Variants in SMAD6 observed in about 807,000 individuals in gnomAD.
SMAD6 encodes the protein SMAD family member 6.
In SMAD6, 103 loss-of-function variants were observed where a neutral mutation model predicts 39.4. The ratio of observed to expected loss-of-function variants is 2.62; its 90% CI spans 2.23 to 3.08. SMAD6 has a LOEUF of 3.08. SMAD6 is among the 30% of genes most tolerant of loss of function. The pLI, the probability that SMAD6 is intolerant of heterozygous loss-of-function variation, is 0.00. For missense variants in SMAD6, 1,104 were observed against 742.9 expected, an observed-to-expected ratio of 1.49 and a Z score of -5.65; for synonymous variants, 445 against 353.3, an observed-to-expected ratio of 1.26 and a Z score of -2.91.
intron 3 of SMAD6, among the ~76,000 whole-genome samples, chr15:66,731,824 G>T (rs1189197197): frequency 6.6e-6 from 1 of 152,106 alleles, no homozygotes; most frequent in African/African-American, 2.4e-5. Context: ...GTACCATTTT[G>T]CAATCCCAAC....
intron 3 of SMAD6, among the ~76,000 whole-genome samples, chr15:66,735,793 GCATGCACACACA>G (rs1893702807): frequency 6.6e-6 from 1 of 152,010 alleles, no homozygotes; most frequent in South Asian, 2.1e-4. Context: ...AGGCACGTGT[GCATGCACACACA>G]CATACACACA....
intron 3 of SMAD6, among the ~76,000 whole-genome samples, chr15:66,775,927 G>C (rs1468256987): frequency 6.6e-6 from 1 of 152,254 alleles, no homozygotes; most frequent in Non-Finnish European, 1.5e-5. Context: ...GGGCTGTGCA[G>C]CTGTGGGAAG....
At chr15:66,710,785 A>T (rs548571249) in intron 1 of SMAD6, among the ~76,000 whole-genome samples, 1 of 121,252 alleles carries the variant, frequency 8.2e-6, no homozygotes, top group Non-Finnish European at 1.8e-5. Flanking sequence ...TTTTAGGCAA[A>T]TGAAACCCAA....
intron 1 of SMAD6, chr15:66,708,791 C>T: frequency 1.5e-5 from 7 of 463,578 alleles, no homozygotes; most frequent in South Asian, 9.4e-5. Flanking sequence ...AAGTGACTGC[C>T]AATGGGGATG....
At chr15:66,708,417 G>A in intron 1 of SMAD6, 1 of 241,130 alleles carries the variant, frequency 4.1e-6, no homozygotes, top group Non-Finnish European at 8.6e-6. Context: ...GGCTCCACCA[G>A]TCCAGATCCA....
chr15:66,728,480 C>T (rs1212628038), intron 3 of SMAD6, among the ~76,000 whole-genome samples: 2 of 151,724 alleles, frequency 1.3e-5, no homozygotes, highest in Non-Finnish European at 2.9e-5. Context: ...GATCTCGGCT[C>T]ACTGCAACCT....
At chr15:66,771,092 G>A (rs1456199750) in intron 3 of SMAD6, among the ~76,000 whole-genome samples, 1 of 152,288 alleles carries the variant, frequency 6.6e-6, no homozygotes, top group South Asian at 2.1e-4. Context: ...TAGCGGGTGG[G>A]AGACGATCTC....
chr15:66,744,152 G>A (rs988778646), intron 3 of SMAD6, among the ~76,000 whole-genome samples: 7 of 152,104 alleles, frequency 4.6e-5, no homozygotes, highest in East Asian at 1.9e-4. Flanking sequence ...GGAGAGGGCC[G>A]GGATCCTGTA....
Position 66,747,099 on chromosome 15 carries a change from A to G in SMAD6, c.952+30601A>G, listed in dbSNP as rs1016635351. Among the ~76,000 whole-genome samples the G allele has an allele frequency of 1.3e-5, 2 of 152,240 alleles. No individual in the cohort carries two copies. Among genetic ancestry groups the G allele is most frequent in the Non-Finnish European group, 2.9e-5 (2 of 68,048 alleles). On this transcript the variant is annotated intron_variant, in intron 3 of 3. Transcript: ENST00000288840. The surrounding 1 kb of genome is among the most constrained non-coding windows in gnomAD (Gnocchi z 4.5). ...CTTCTGGCTTGATTTTCATTTTACA[A>G]AAATAATCCAACTAATCTAATTGAT... is the stretch of plus-strand genomic sequence containing the variant.
At chr15:66,713,470 C>T (rs961736385) in intron 2 of SMAD6, among the ~76,000 whole-genome samples, 2 of 152,218 alleles carry the variant, frequency 1.3e-5, no homozygotes, top group Non-Finnish European at 2.9e-5. Context: ...CAGGCACGCG[C>T]CACCACGCCT....
At chr15:66,750,729 C>A (rs562382109) in intron 3 of SMAD6, among the ~76,000 whole-genome samples, 1 of 152,220 alleles carries the variant, frequency 6.6e-6, no homozygotes, top group East Asian at 1.9e-4. Context: ...TGTGGGCAGT[C>A]GGAGCCGAAT....
intron 3 of SMAD6, among the ~76,000 whole-genome samples, chr15:66,766,704 AC>A (rs1239272427): frequency 6.6e-6 from 1 of 151,800 alleles, no homozygotes; most frequent in African/African-American, 2.4e-5. Flanking sequence ...CAGGAAAGGC[AC>A]CCCCTCCTCT....
At chr15:66,738,781 A>G (rs1433625590) in intron 3 of SMAD6, among the ~76,000 whole-genome samples, 1 of 152,014 alleles carries the variant, frequency 6.6e-6, no homozygotes, top group Non-Finnish European at 1.5e-5. Context: ...GGTGGGCTGA[A>G]ATGGAGGAGG....
chr15:66,704,650 C>T (rs1435229725), intron 1 of SMAD6: 1 of 152,270 alleles, frequency 6.6e-6, no homozygotes, highest in Non-Finnish European at 1.5e-5. Context: ...GTAAAGAGCA[C>T]CCTCTTTATT....
At chr15:66,734,618 G>A (rs950347449) in intron 3 of SMAD6, among the ~76,000 whole-genome samples, 2 of 152,164 alleles carry the variant, frequency 1.3e-5, no homozygotes, top group African/African-American at 2.4e-5. Context: ...GCTCAGAGAG[G>A]TTTCACTTAC....
rs1595806242 is a variant in SMAD6 at position 66,782,529 on chromosome 15, G to A, written c.*994G>A. The stretch of plus-strand genomic sequence containing the variant: ...ATAGCTCAGAATCTGCCCATCCAGG[G>A]CTGTATTAATGATTTATGTAAAGGC... On this transcript the variant is annotated 3_prime_UTR_variant, in exon 4 of 4. Coordinates refer to ENST00000288840, the MANE Select transcript of SMAD6 (RefSeq NM_005585.5). 6.6e-6 allele frequency: 1 copy of A among 152,160 alleles called. No individual in the cohort carries two copies. The highest frequency in any genetic ancestry group is 1.5e-5 in the Non-Finnish European group (1 of 68,058). 9.4% of individuals were successfully genotyped at this position (152,160 alleles called of 1,614,324 possible).
intron 3 of SMAD6, among the ~76,000 whole-genome samples, chr15:66,732,482 A>G (rs1346672763): frequency 1.3e-5 from 2 of 151,964 alleles, no homozygotes; most frequent in East Asian, 3.9e-4. Context: ...TCCCAAGTAG[A>G]TGTGACTACA....
Position 66,781,094 on chromosome 15 carries a change from C to A in SMAD6, c.1050C>A (p.Tyr350Ter). The change falls in exon 4 of 4, where the codon TAC (tyrosine) becomes TAA (stop). Residue 350 changes from tyrosine to a stop codon, truncating the protein, a stop_gained. Transcript: ENST00000288840. LOFTEE classifies it high-confidence loss of function. ...RTRVGRLYAV[Y>*]DQAVSIFYDL... is the part of the protein sequence containing the mutation. ...GCGTGGGCCGCCTCTATGCGGTGTACGACCAGGCCGTCAGCATCTTCTACG... is the reference window on the plus strand; with the variant it reads ...GCGTGGGCCGCCTCTATGCGGTGTAAGACCAGGCCGTCAGCATCTTCTACG... 6.2e-7 allele frequency: 1 copy of A among 1,607,894 alleles called. No individual in the cohort carries two copies. Among genetic ancestry groups the A allele is most frequent in the Non-Finnish European group, 8.5e-7 (1 of 1,179,354 alleles).
rs542163048 is a variant in SMAD6 at position 66,716,114 on chromosome 15, C to T, written c.875-307C>T. On this transcript the variant is annotated intron_variant, in intron 2 of 3. Coordinates refer to ENST00000288840, the MANE Select transcript of SMAD6 (RefSeq NM_005585.5). ...TAATTTAACCTTACCCACGGAGGCTCCAAGTTGCTACTTGCTCGGTCCCCT... is the reference window on the plus strand; with the variant it reads ...TAATTTAACCTTACCCACGGAGGCTTCAAGTTGCTACTTGCTCGGTCCCCT... Among the ~76,000 whole-genome samples, 51 of 152,316 alleles carry T rather than the reference C, an allele frequency of 3.3e-4. 2 individuals are homozygous for T. In the South Asian group the frequency reaches 7.9e-3, roughly 24 times the overall value.
Sources: gnomAD v4.1 joint callset for allele counts (sites outside exome capture counted in the v4.1 genomes callset) on GRCh38, gnomAD v4.1.1 for gene constraint, Gnocchi (gnomAD v3.1) non-coding constraint, MANE v1.5 for transcripts, NCBI Gene and HGNC (gene_info 2026-07-23, HGNC 2026-07-21) for gene names.